NXPE4: variants seen among roughly 807,000 people sequenced by gnomAD.
NXPE4 encodes the protein NXPE family member 4.
Under a neutral mutation model 33.3 loss-of-function variants are expected in NXPE4, and 42 were observed. The observed-to-expected ratio is 1.26, with a 90% CI of 0.98 to 1.63. The LOEUF is 1.63. Ranked by LOEUF, NXPE4 falls within the 40% of genes most tolerant of loss-of-function variation. The probability of loss-of-function intolerance (pLI) is 0.00; values close to 1 mark genes in which losing one functional copy is unlikely to be tolerated. For synonymous variants in NXPE4, 253 were observed against 234.9 expected, an observed-to-expected ratio of 1.08 and a Z score of -0.71; for missense variants, 709 against 647.6, an observed-to-expected ratio of 1.09 and a Z score of -1.03.
At chr11:114,666,518 G>A in the NXPE4 span, among the ~76,000 whole-genome samples, 1 of 152,088 alleles carries the variant, frequency 6.6e-6, no homozygotes, top group Non-Finnish European at 1.5e-5. Flanking sequence ...CAAAGAAAAG[G>A]TAATTCTCTT....
At chr11:114,572,350 T>G (rs1268605656) in intron 5 of NXPE4, among the ~76,000 whole-genome samples, 1 of 152,054 alleles carries the variant, frequency 6.6e-6, no homozygotes, top group East Asian at 1.9e-4. Context: ...TCACCACCAA[T>G]GGATCTAAAC....
At chr11:114,577,015 A>ATATATATATACATATATATATATAAAGT (rs1949012780) in intron 5 of NXPE4, among the ~76,000 whole-genome samples, 1 of 71,990 alleles carries the variant, frequency 1.4e-5, no homozygotes, top group East Asian at 3.4e-4. Context: ...AAAGTTATAT[A>ATATATATATACATATATATATATAAAGT]TATATATATA....
chr11:114,653,929 A>G, the NXPE4 span, among the ~76,000 whole-genome samples: 6 of 152,152 alleles, frequency 3.9e-5, no homozygotes, highest in African/African-American at 1.4e-4. Context: ...GGAAGTTCCC[A>G]TGATGTCTTG....
At chr11:114,667,556 C>T in the NXPE4 span, among the ~76,000 whole-genome samples, 3 of 152,102 alleles carry the variant, frequency 2.0e-5, no homozygotes, top group African/African-American at 7.2e-5. Flanking sequence ...GAAGTCATGA[C>T]ATGTGAGAGT....
At chr11:114,632,866 A>G in the NXPE4 span, among the ~76,000 whole-genome samples, 1 of 59,694 alleles carries the variant, frequency 1.7e-5, no homozygotes, top group Admixed American at 3.0e-4. Context: ...TATATAATAT[A>G]TAATTATATA....
chr11:114,571,216 T>C lies in NXPE4; in HGVS notation c.1357A>G (p.Asn453Asp). The C allele has an allele frequency of 6.2e-7, 1 of 1,614,028 alleles. No homozygotes were observed. The highest frequency in any genetic ancestry group is 8.5e-7 in the Non-Finnish European group (1 of 1,179,946). The change falls in exon 6 of 6, where the codon AAT (asparagine) becomes GAT (aspartate). Residue 453 changes from asparagine (N) to aspartate (D), a missense_variant. Physicochemically the swap from Asn to Asp is conservative, Grantham distance 23 (BLOSUM62 1). Transcript: ENST00000375478. ...AGATGCTGAATGGCTTTGTGGACATTGAGGGCCCTTCGGATAAAAACATCA... is the reference window on the plus strand; with the variant it reads ...AGATGCTGAATGGCTTTGTGGACATCGAGGGCCCTTCGGATAAAAACATCA... The part of the protein sequence containing the change: ...PIDVFIRRAL[N>D]VHKAIQHLLL...
the NXPE4 span, among the ~76,000 whole-genome samples, chr11:114,672,980 CCAA>C: frequency 6.6e-6 from 1 of 150,574 alleles, no homozygotes; most frequent in South Asian, 2.1e-4. Context: ...AACATTCTGC[CCAA>C]CAACAACAGA....
the NXPE4 span, among the ~76,000 whole-genome samples, chr11:114,654,406 A>T: frequency 6.6e-6 from 1 of 151,858 alleles, no homozygotes. Context: ...GGTTTGTTAC[A>T]TAGGTATATG....
At chr11:114,631,001 A>G in the NXPE4 span, among the ~76,000 whole-genome samples, 6 of 150,560 alleles carry the variant, frequency 4.0e-5, no homozygotes, top group Non-Finnish European at 8.9e-5. Context: ...TTAGAATGGC[A>G]ATCATTAAAA....
At chr11:114,637,311 G>A in the NXPE4 span, among the ~76,000 whole-genome samples, 1 of 151,464 alleles carries the variant, frequency 6.6e-6, no homozygotes, top group African/African-American at 2.4e-5. Flanking sequence ...TTTTCCATTT[G>A]CTTGGTAGAT....
the NXPE4 span, among the ~76,000 whole-genome samples, chr11:114,640,314 T>C: frequency 4.8e-5 from 7 of 146,728 alleles, no homozygotes; most frequent in African/African-American, 9.9e-5. Context: ...TATATATTTA[T>C]ATATTATATG....
Position 114,579,795 on chromosome 11 carries a change from C to G in NXPE4, c.1099+337G>C, listed in dbSNP as rs552821322. The stretch of plus-strand genomic sequence containing the variant: ...CAGGTTGTCTGGTTCTAGAATCATA[C>G]CCTTAATCATTTTGCTGGTTCTAGA... On this transcript the variant is annotated intron_variant, in intron 5 of 5. Coordinates refer to ENST00000375478, the MANE Select transcript of NXPE4 (RefSeq NM_001077639.2). Among the ~76,000 whole-genome samples, 6 of 152,272 alleles carry G rather than the reference C, an allele frequency of 3.9e-5. No individual in the cohort carries two copies. The South Asian group carries it at 1.2e-3, about 32-fold the overall frequency.
upstream of NXPE4, among the ~76,000 whole-genome samples, chr11:114,597,750 TA>T (rs778053496): frequency 7.4e-4 from 113 of 151,882 alleles, no homozygotes; most frequent in Non-Finnish European, 1.5e-3. Flanking sequence ...AAAATGGAGG[TA>T]CATGTCAAAA....
intron 4 of NXPE4, 23 bp downstream of exon 4, chr11:114,581,702 C>T (rs779231112): frequency 5.0e-6 from 8 of 1,595,028 alleles, no homozygotes; most frequent in Non-Finnish European, 6.9e-6. Flanking sequence ...TAGGCACCAC[C>T]CACCAAACAC....
At chr11:114,641,945 AC>A in the NXPE4 span, among the ~76,000 whole-genome samples, 1 of 152,120 alleles carries the variant, frequency 6.6e-6, no homozygotes, top group Non-Finnish European at 1.5e-5. Context: ...AAAGTTTGAC[AC>A]AGAGGACATA....
the NXPE4 span, among the ~76,000 whole-genome samples, chr11:114,660,831 T>C: frequency 6.6e-6 from 1 of 152,158 alleles, no homozygotes; most frequent in Non-Finnish European, 1.5e-5. Context: ...AATATGATTA[T>C]CTAAATAGAA....
At chr11:114,583,962 A>G (rs1372332951) in intron 2 of NXPE4, 8 of 384,914 alleles carry the variant, frequency 2.1e-5, no homozygotes, top group East Asian at 1.8e-4. Context: ...GATGAGTCCT[A>G]TGAGGCCATT....
At chr11:114,641,996 A>G in the NXPE4 span, among the ~76,000 whole-genome samples, 6 of 152,084 alleles carry the variant, frequency 3.9e-5, no homozygotes, top group Non-Finnish European at 8.8e-5. Flanking sequence ...GAGAAGATAA[A>G]TTTTAAAAAC....
chr11:114,636,363 T>A, the NXPE4 span, among the ~76,000 whole-genome samples: 1 of 152,086 alleles, frequency 6.6e-6, no homozygotes, highest in Non-Finnish European at 1.5e-5. Context: ...TTTTTTTCTT[T>A]ATTAGTCTGC....
Sources: allele counts gnomAD v4.1 joint callset (sites outside exome capture counted in the v4.1 genomes callset), GRCh38; gene constraint gnomAD v4.1.1; transcripts MANE v1.5; gene names NCBI Gene and HGNC (gene_info 2026-07-23, HGNC 2026-07-21).